TEX14: variants seen among roughly 807,000 people sequenced by gnomAD.
The protein encoded by TEX14 is inactive serine/threonine-protein kinase TEX14.
In TEX14, 168 loss-of-function variants were observed where a neutral mutation model predicts 178.6. The ratio of observed to expected loss-of-function variants is 0.94; its 90% CI spans 0.83 to 1.07. The LOEUF (loss-of-function observed/expected upper bound fraction) is 1.07, where lower values mean the gene tolerates loss of function less well. Among genes scored for constraint, TEX14 ranks in the 50% least tolerant of loss-of-function variants. TEX14 has a pLI of 0.00. For missense variants in TEX14, 1,730 were observed against 1,753.6 expected, an observed-to-expected ratio of 0.99 and a Z score of 0.24; for synonymous variants, 626 against 634.1, an observed-to-expected ratio of 0.99 and a Z score of 0.19.
chr17:58,580,302 T>C (rs2044779842), intron 19 of TEX14, among the ~76,000 whole-genome samples: 1 of 152,154 alleles, frequency 6.6e-6, no homozygotes, highest in African/African-American at 2.4e-5. Flanking sequence ...CCACCACACC[T>C]AGCTGAAATT....
rs1219413177 is a variant in TEX14, at chr17:58,647,518, C to T, written c.136+4348G>A. On this transcript the variant is annotated intron_variant, in intron 2 of 31. Coordinates refer to ENST00000349033, the MANE Select transcript of TEX14 (RefSeq NM_031272.5). ...CTGCACTCCAGCCTGGGCGACTGAGCGAGACTCCGTCTCAAAGAAAAAAAA... is the reference window on the plus strand; with the variant it reads ...CTGCACTCCAGCCTGGGCGACTGAGTGAGACTCCGTCTCAAAGAAAAAAAA... Among the ~76,000 whole-genome samples, 25 of 149,196 alleles carry T rather than the reference C, an allele frequency of 1.7e-4. No homozygotes were observed. In the Admixed American group the frequency reaches 1.7e-3, roughly 10 times the overall value.
intron 2 of TEX14, chr17:58,631,906 T>C (rs2046327234): frequency 6.6e-6 from 1 of 152,260 alleles, no homozygotes; most frequent in South Asian, 2.1e-4. Context: ...GAGTATTTCG[T>C]GAGCACATTT....
intron 13 of TEX14, among the ~76,000 whole-genome samples, chr17:58,600,034 T>C (rs976751993): frequency 1.3e-5 from 2 of 152,184 alleles, no homozygotes; most frequent in African/African-American, 4.8e-5. Context: ...GGTCTTGCTG[T>C]GTTGCCCAGG....
intron 1 of TEX14, among the ~76,000 whole-genome samples, chr17:58,668,828 A>C (rs1012556585): frequency 5.3e-5 from 8 of 152,120 alleles, no homozygotes; most frequent in Non-Finnish European, 1.2e-4. Context: ...CCACCCTAAC[A>C]TCCTACCCAA....
intron 2 of TEX14, chr17:58,631,041 T>C (rs2046274526): frequency 3.0e-6 from 1 of 337,248 alleles, no homozygotes; most frequent in Non-Finnish European, 4.2e-6. Flanking sequence ...TAAAAGGGAC[T>C]GAAAAAAAAG....
intron 10 of TEX14, among the ~76,000 whole-genome samples, chr17:58,608,134 T>C (rs1024564925): frequency 7.3e-4 from 110 of 151,510 alleles, no homozygotes; most frequent in Middle Eastern, 6.9e-3. Context: ...AATACAAAAA[T>C]TGGCTGGGCG....
At chr17:58,592,362 T>A (rs568315234) in intron 15 of TEX14, among the ~76,000 whole-genome samples, 2 of 148,592 alleles carry the variant, frequency 1.3e-5, no homozygotes, top group African/African-American at 5.0e-5. Flanking sequence ...TGAGACGGAG[T>A]CTTGCTCTAT....
intron 2 of TEX14, among the ~76,000 whole-genome samples, chr17:58,633,149 C>T (rs1254853221): frequency 6.6e-6 from 1 of 152,206 alleles, no homozygotes; most frequent in Non-Finnish European, 1.5e-5. Flanking sequence ...TTTGGACAGG[C>T]TGTTCTCCCT....
At chr17:58,567,976 C>G (rs2044437943) in intron 26 of TEX14, 1 of 152,326 alleles carries the variant, frequency 6.6e-6, no homozygotes, top group African/African-American at 2.4e-5. Flanking sequence ...GCAAAGGAGC[C>G]TACAATACTG....
chr17:58,640,681 T>C (rs1002465241), intron 2 of TEX14, among the ~76,000 whole-genome samples: 18 of 151,366 alleles, frequency 1.2e-4, no homozygotes, highest in African/African-American at 3.2e-4. Context: ...ATGAGGCATG[T>C]AGAGAATTAT....
rs750203217 is a variant in TEX14, at chr17:58,592,337, C to CT, written c.2576+1217dup. 4.3e-3 allele frequency among the ~76,000 whole-genome samples: 585 copies of CT among 136,968 alleles called. 3 individuals are homozygous for CT. Among genetic ancestry groups the CT allele is most frequent in the African/African-American group, 0.013 (469 of 37,498 alleles). The allele number at this position is 136,968 out of a possible 152,430, so 89.9% of individuals were successfully genotyped here. A position where few individuals can be genotyped will look rare whatever the true frequency, so the allele number is the denominator to read the frequency against. On this transcript the variant is annotated intron_variant, in intron 15 of 31. Coordinates refer to ENST00000349033, the MANE Select transcript of TEX14 (RefSeq NM_031272.5). ...TTCTGCCTCCTGGGTTCGAGTGATTCTTTTTTTTTTTTTTTGAGACGGAGT... is the reference window on the plus strand; with the variant it reads ...TTCTGCCTCCTGGGTTCGAGTGATTCTTTTTTTTTTTTTTTTGAGACGGAGT...
intron 14 of TEX14, among the ~76,000 whole-genome samples, chr17:58,596,012 CT>C (rs1555569853): frequency 6.6e-6 from 1 of 151,958 alleles, no homozygotes; most frequent in Non-Finnish European, 1.5e-5. Context: ...GTAAAACCCC[CT>C]CTCTACTAAA....
At chr17:58,631,343 C>T (rs1033438171) in intron 2 of TEX14, 2 of 152,712 alleles carry the variant, frequency 1.3e-5, no homozygotes, top group African/African-American at 4.8e-5. Flanking sequence ...CCTATAGTCC[C>T]AGCTACTTGA....
chr17:58,609,126 T>G (rs1272692362), intron 10 of TEX14, among the ~76,000 whole-genome samples: 1 of 152,210 alleles, frequency 6.6e-6, no homozygotes, highest in Non-Finnish European at 1.5e-5. Flanking sequence ...GCTTTTTTTC[T>G]TGAGACAGAG....
chr17:58,681,119 A>C (rs2047493702), intron 1 of TEX14, among the ~76,000 whole-genome samples: 1 of 151,940 alleles, frequency 6.6e-6, no homozygotes, highest in African/African-American at 2.4e-5. Context: ...CTCTCTACTA[A>C]AAATAAATTA....
At chr17:58,567,911 A>G (rs1567991496) in intron 26 of TEX14, 2 of 152,332 alleles carry the variant, frequency 1.3e-5, no homozygotes, top group African/African-American at 4.8e-5. Flanking sequence ...TTACACAGCA[A>G]CTATAGAGGG....
At chr17:58,635,219 C>T (rs907593316) in intron 2 of TEX14, among the ~76,000 whole-genome samples, 1 of 152,030 alleles carries the variant, frequency 6.6e-6, no homozygotes, top group African/African-American at 2.4e-5. Flanking sequence ...CATCTATGAC[C>T]CCAAGAATCT....
At chr17:58,635,616 T>A (rs146049662) in intron 2 of TEX14, among the ~76,000 whole-genome samples, 1,705 of 152,120 alleles carry the variant, frequency 0.011, 36 homozygotes, top group African/African-American at 0.039. Flanking sequence ...TGTTAATAGA[T>A]ACAGGGTTTC....
At chr17:58,663,817 A>G (rs2047161061) in intron 1 of TEX14, among the ~76,000 whole-genome samples, 1 of 152,018 alleles carries the variant, frequency 6.6e-6, no homozygotes, top group East Asian at 1.9e-4. Flanking sequence ...AAATCCATTC[A>G]CTCCTGAAAC....
Sources: allele counts gnomAD v4.1 joint callset (sites outside exome capture counted in the v4.1 genomes callset), GRCh38; gene constraint gnomAD v4.1.1; transcripts MANE v1.5; gene names NCBI Gene and HGNC (gene_info 2026-07-23, HGNC 2026-07-21).